AKT2: variants seen among roughly 807,000 people sequenced by gnomAD.
AKT2 encodes the protein AKT serine/threonine kinase 2.
A neutral mutation model predicts 58.6 loss-of-function variants in AKT2; 16 were observed. That is an observed-to-expected ratio of 0.27 (90% CI 0.18 to 0.41). The LOEUF is 0.41. Among genes scored for constraint, AKT2 ranks in the 10% least tolerant of loss-of-function variants. The pLI, the probability that AKT2 is intolerant of heterozygous loss-of-function variation, is 1.00. For missense variants in AKT2, 438 were observed against 661.0 expected, an observed-to-expected ratio of 0.66 and a Z score of 3.70; for synonymous variants, 253 against 254.0, an observed-to-expected ratio of 1.00 and a Z score of 0.04.
Position 40,232,754 on chromosome 19 carries a change from G to A in AKT2, c.*1118C>T, listed in dbSNP as rs878904412. On this transcript the variant is annotated 3_prime_UTR_variant, in exon 14 of 14. Transcript: ENST00000392038. ...TGCACACACACCCACGTGTGCCTGCGTCCCGCCGACACACGCAGTCCGAGG... is the reference window on the plus strand; with the variant it reads ...TGCACACACACCCACGTGTGCCTGCATCCCGCCGACACACGCAGTCCGAGG... 7 of 233,472 alleles carry A rather than the reference G, an allele frequency of 3.0e-5. No individual in the cohort carries two copies. The highest frequency in any genetic ancestry group is 1.8e-4 in the South Asian group (1 of 5,538). The allele number at this position is 233,472 out of a possible 1,614,324, so 14.5% of individuals were successfully genotyped here.
In AKT2 at chr19:40,235,008, G is replaced by T; in HGVS notation, c.1366+37C>A. ...AGCAGATCCCATCCCTCCACCCCTGGGGCAGGCACACCAGCGCGGGGGCCC... is the reference window on the plus strand; with the variant it reads ...AGCAGATCCCATCCCTCCACCCCTGTGGCAGGCACACCAGCGCGGGGGCCC... On this transcript the variant is annotated intron_variant, in intron 13 of 13. Coordinates refer to ENST00000392038, the MANE Select transcript of AKT2 (RefSeq NM_001626.6). This position sits in a 1 kb window ranked among gnomAD's most constrained non-coding sequence, Gnocchi z 6.3. The T allele has an allele frequency of 6.4e-7, 1 of 1,564,734 alleles. No individual in the cohort carries two copies. The highest frequency in any genetic ancestry group is 8.8e-7 in the Non-Finnish European group (1 of 1,135,222).
chr19:40,263,685 G>C (rs1976128446), intron 2 of AKT2, among the ~76,000 whole-genome samples: 1 of 152,170 alleles, frequency 6.6e-6, no homozygotes, highest in Non-Finnish European at 1.5e-5. Context: ...CAGTCAGGTG[G>C]GGAGGCTGCT....
At position 40,235,460 on chromosome 19, in the gene AKT2, AC is replaced by A. The variant is rs1568517549; in HGVS notation, c.1176-111del. Reference sequence around the variant, plus strand: ...GGCCCTTAATGATTCTGTCTTGACCACAAACCACTTCACAGAGGAGGAAACC... The same window carrying A: ...GGCCCTTAATGATTCTGTCTTGACCAAAACCACTTCACAGAGGAGGAAACC... On this transcript the variant is annotated intron_variant, in intron 11 of 13. Coordinates refer to ENST00000392038, the MANE Select transcript of AKT2 (RefSeq NM_001626.6). The surrounding 1 kb of genome is among the most constrained non-coding windows in gnomAD (Gnocchi z 6.3). 5 of 976,992 alleles carry A rather than the reference AC, an allele frequency of 5.1e-6. No individual in the cohort carries two copies. The highest frequency in any genetic ancestry group is 8.0e-6 in the Non-Finnish European group (5 of 627,398). 60.5% of individuals were successfully genotyped at this position (976,992 alleles called of 1,614,324 possible).
chr19:40,242,921 G>A lies in AKT2; in HGVS notation c.288-234C>T. 3 of 521,478 alleles carry A rather than the reference G, an allele frequency of 5.8e-6. No individual in the cohort carries two copies. Among genetic ancestry groups the A allele is most frequent in the South Asian group, 2.0e-5 (1 of 50,524 alleles). The allele number at this position is 521,478 out of a possible 1,614,324, so 32.3% of individuals were successfully genotyped here. A position where few individuals can be genotyped will look rare whatever the true frequency, so the allele number is the denominator to read the frequency against. On this transcript the variant is annotated intron_variant, in intron 4 of 13. Transcript: ENST00000392038. The surrounding 1 kb of genome is among the most constrained non-coding windows in gnomAD (Gnocchi z 4.3). ...CCCAGCACTTTGGGAGGCTGAGGCG[G>A]ATGGATCACAAGGTCAGGAGTTCGA...
At chr19:40,241,878 GT>G in intron 6 of AKT2, 59 bp downstream of exon 6, 2 of 1,611,288 alleles carry the variant, frequency 1.2e-6, no homozygotes, top group Non-Finnish European at 1.7e-6. Flanking sequence ...AGGCCTCAGG[GT>G]CAGGCTCCAG....
chr19:40,285,037 C>T (rs1408391262), intron 1 of AKT2, 144 bp downstream of exon 1: 3 of 383,850 alleles, frequency 7.8e-6, no homozygotes, highest in Admixed American at 9.0e-5. Flanking sequence ...CGCTCGGCCA[C>T]CCCCACTCAG....
At chr19:40,256,159 C>T (rs977235336) in intron 3 of AKT2, among the ~76,000 whole-genome samples, 3 of 152,112 alleles carry the variant, frequency 2.0e-5, no homozygotes, top group Non-Finnish European at 4.4e-5. Flanking sequence ...TCTAGTGAGA[C>T]ACTGAGGTTG....
At chr19:40,256,845 T>A in intron 3 of AKT2, 81 bp downstream of exon 3, 1 of 1,601,092 alleles carries the variant, frequency 6.2e-7, no homozygotes, top group South Asian at 1.1e-5. Flanking sequence ...CATGGCTCAA[T>A]GACCAAGTCC....
At chr19:40,243,872 GTC>G (rs1974566090) in intron 4 of AKT2, 1 of 151,644 alleles carries the variant, frequency 6.6e-6, no homozygotes, top group African/African-American at 2.4e-5. Context: ...GTAAAACCCA[GTC>G]TCTACTAAAA....
intron 4 of AKT2, chr19:40,243,514 G>C (rs1035441778): frequency 9.8e-5 from 15 of 152,486 alleles, no homozygotes; most frequent in African/African-American, 3.6e-4. Flanking sequence ...AGGGACAGAG[G>C]TCCTGGCAGC....
rs1358052501 is a variant in AKT2, at chr19:40,241,800, C to T, written c.573+138G>A. On this transcript the variant is annotated intron_variant, in intron 6 of 13. Coordinates refer to ENST00000392038, the MANE Select transcript of AKT2 (RefSeq NM_001626.6). ...CTCCTCTCTGGGCCTCAGGCTCCCC[C>T]TTTTCTGACTAGGGGGAATTTGTGG... The T allele has an allele frequency of 4.4e-6, 6 of 1,362,592 alleles. No homozygotes were observed. In the East Asian group the frequency reaches 1.5e-4, roughly 34 times the overall value. 84.4% of individuals were successfully genotyped at this position (1,362,592 alleles called of 1,614,324 possible).
In AKT2 at chr19:40,230,505, A is replaced by G. The variant is rs1599933366; in HGVS notation, c.*3367T>C. 8.8e-6 allele frequency: 2 copies of G among 227,742 alleles called. No individual in the cohort carries two copies. The highest frequency in any genetic ancestry group is 1.2e-4 in the East Asian group (2 of 16,014). The allele number at this position is 227,742 out of a possible 1,614,324, so 14.1% of individuals were successfully genotyped here. A position where few individuals can be genotyped will look rare whatever the true frequency, so the allele number is the denominator to read the frequency against. On this transcript the variant is annotated 3_prime_UTR_variant, in exon 14 of 14. Transcript: ENST00000392038. The stretch of plus-strand genomic sequence containing the variant: ...ATCGCACTGCCGCCCCCGACTCCAC[A>G]CAACCATCAGTGCACGAGGGCAGCC...
chr19:40,257,970 G>A (rs759137531), intron 2 of AKT2, among the ~76,000 whole-genome samples: 10 of 152,092 alleles, frequency 6.6e-5, no homozygotes, highest in East Asian at 1.9e-4. Flanking sequence ...AGTAGGGCCC[G>A]GCACGGTGGC....
rs1377237732 is a variant in AKT2 at position 40,237,911 on chromosome 19, G to A, written c.831+58C>T. On this transcript the variant is annotated intron_variant, in intron 9 of 13. Coordinates refer to ENST00000392038, the MANE Select transcript of AKT2 (RefSeq NM_001626.6). The surrounding 1 kb of genome is among the most constrained non-coding windows in gnomAD (Gnocchi z 4.5). ...AGAAGCTCAGCCCAACTTCCCCAGT[G>A]TGAGTCCCATGTGGTGTGCATGCCA... 1 of 1,606,256 alleles carries A rather than the reference G, an allele frequency of 6.2e-7. No individual in the cohort carries two copies. Among genetic ancestry groups the A allele is most frequent in the East Asian group, 2.2e-5 (1 of 44,718 alleles).
At position 40,235,550 on chromosome 19, in the gene AKT2, C is replaced by T. The variant is rs1445765379; in HGVS notation, c.1176-200G>A. The T allele has an allele frequency of 9.1e-6, 6 of 656,150 alleles. No individual in the cohort carries two copies. The highest frequency in any genetic ancestry group is 5.3e-5 in the African/African-American group (3 of 56,164). 40.6% of individuals were successfully genotyped at this position (656,150 alleles called of 1,614,324 possible). A position where few individuals can be genotyped will look rare whatever the true frequency, so the allele number is the denominator to read the frequency against. On this transcript the variant is annotated intron_variant, in intron 11 of 13. Transcript: ENST00000392038. The surrounding 1 kb of genome is among the most constrained non-coding windows in gnomAD (Gnocchi z 6.3). ...CCAGGGAGTCAGCAACCCGGACCCA[C>T]GTGTCCTCACTGCCTGGCCTTACCC... is the stretch of plus-strand genomic sequence containing the variant.
intron 1 of AKT2, among the ~76,000 whole-genome samples, chr19:40,270,127 C>T (rs141067366): frequency 2.4e-3 from 363 of 152,350 alleles, no homozygotes; most frequent in African/African-American, 7.9e-3. Context: ...GCTCACGTCC[C>T]TTTCTTGAGA....
chr19:40,245,368 G>A (rs897624121), intron 4 of AKT2, among the ~76,000 whole-genome samples: 4 of 152,082 alleles, frequency 2.6e-5, no homozygotes, highest in African/African-American at 9.7e-5. Context: ...AGAAGACCAC[G>A]CCTTTATAAA....
At chr19:40,281,861 AC>A (rs1163746716) in intron 1 of AKT2, among the ~76,000 whole-genome samples, 3 of 152,254 alleles carry the variant, frequency 2.0e-5, no homozygotes, top group Non-Finnish European at 2.9e-5. Flanking sequence ...GTATGCCAGA[AC>A]AGTTATGAAT....
In AKT2 at chr19:40,242,362, G is replaced by A. The variant is rs1046217000; in HGVS notation, c.441+172C>T. ...CCCAAGGTTGCTCCCTCCCCTACGG[G>A]CATGGAGCACACCCTAGGGCACCTG... On this transcript the variant is annotated intron_variant, in intron 5 of 13. Transcript: ENST00000392038. The surrounding 1 kb of genome is among the most constrained non-coding windows in gnomAD (Gnocchi z 4.3). 16 of 1,100,422 alleles carry A rather than the reference G, an allele frequency of 1.5e-5. No individual in the cohort carries two copies. The highest frequency in any genetic ancestry group is 7.7e-5 in the African/African-American group (5 of 65,134). 68.2% of individuals were successfully genotyped at this position (1,100,422 alleles called of 1,614,324 possible). A position where few individuals can be genotyped will look rare whatever the true frequency, so the allele number is the denominator to read the frequency against.
Sources: gnomAD v4.1 joint callset for allele counts (sites outside exome capture counted in the v4.1 genomes callset) on GRCh38, gnomAD v4.1.1 for gene constraint, Gnocchi (gnomAD v3.1) non-coding constraint, MANE v1.5 for transcripts, NCBI Gene and HGNC (gene_info 2026-07-23, HGNC 2026-07-21) for gene names.